The following CCDC102B variants were observed in gnomAD, a reference collection of about 807,000 sequenced individuals.
CCDC102B encodes the protein coiled-coil domain-containing protein 102B.
A neutral mutation model predicts 57.4 loss-of-function variants in CCDC102B; 75 were observed. The observed-to-expected ratio is 1.31, with a 90% CI of 1.08 to 1.58. The LOEUF is 1.58. CCDC102B is among the 40% of genes most tolerant of loss of function. The pLI, the probability that CCDC102B is intolerant of heterozygous loss-of-function variation, is 0.00. For synonymous variants in CCDC102B, 206 were observed against 201.9 expected, an observed-to-expected ratio of 1.02 and a Z score of -0.17; for missense variants, 636 against 582.6, an observed-to-expected ratio of 1.09 and a Z score of -0.94.
intron 1 of CCDC102B, among the ~76,000 whole-genome samples, chr18:68,818,915 T>A (rs1355133033): frequency 6.6e-6 from 1 of 152,138 alleles, no homozygotes; most frequent in Non-Finnish European, 1.5e-5. Flanking sequence ...GGTGTGCATA[T>A]TGTCTTTCAT....
intron 2 of CCDC102B, among the ~76,000 whole-genome samples, chr18:68,762,767 G>A (rs567222824): frequency 6.6e-6 from 1 of 152,228 alleles, no homozygotes. Context: ...CACTGTAAAC[G>A]TTACTGCCAC....
chr18:68,955,813 G>T (rs1045878502), intron 6 of CCDC102B, among the ~76,000 whole-genome samples: 2 of 151,924 alleles, frequency 1.3e-5, no homozygotes, highest in Non-Finnish European at 2.9e-5. Flanking sequence ...AAATTATGGG[G>T]TATGTGAGAT....
At chr18:68,762,965 T>A (rs1030481098) in intron 2 of CCDC102B, among the ~76,000 whole-genome samples, 2 of 152,046 alleles carry the variant, frequency 1.3e-5, no homozygotes, top group South Asian at 4.1e-4. Context: ...ATATTTTACC[T>A]CAGCCTCACA....
downstream of CCDC102B, among the ~76,000 whole-genome samples, chr18:69,057,963 T>TA (rs1401192320): frequency 6.6e-6 from 1 of 151,966 alleles, no homozygotes; most frequent in Non-Finnish European, 1.5e-5. Context: ...GCATAGCAGC[T>TA]AAAGGTCGTT....
intron 6 of CCDC102B, among the ~76,000 whole-genome samples, chr18:68,988,978 T>C (rs183984672): frequency 7.2e-5 from 11 of 152,330 alleles, no homozygotes; most frequent in African/African-American, 2.2e-4. Context: ...GCATTTTGAT[T>C]CATTTATTTC....
chr18:68,784,475 C>T (rs1004141194), intron 2 of CCDC102B, among the ~76,000 whole-genome samples: 1 of 152,004 alleles, frequency 6.6e-6, no homozygotes, highest in Admixed American at 6.6e-5. Context: ...GATTACAATT[C>T]GACATGAAAT....
At chr18:68,954,060 T>C (rs1021397707) in intron 6 of CCDC102B, among the ~76,000 whole-genome samples, 39 of 152,142 alleles carry the variant, frequency 2.6e-4, no homozygotes, top group African/African-American at 8.9e-4. Context: ...GATAATAGTT[T>C]TTTTTTTAAA....
At chr18:68,809,313 G>T (rs2036155688) in intron 1 of CCDC102B, among the ~76,000 whole-genome samples, 1 of 152,116 alleles carries the variant, frequency 6.6e-6, no homozygotes, top group South Asian at 2.1e-4. Context: ...CATAAAGGAA[G>T]AAGAATTTAC....
At chr18:68,842,770 G>A (rs1393142132) in intron 3 of CCDC102B, among the ~76,000 whole-genome samples, 1 of 152,174 alleles carries the variant, frequency 6.6e-6, no homozygotes, top group African/African-American at 2.4e-5. Context: ...CTTACAGGAA[G>A]ATTTTGATGG....
intron 6 of CCDC102B, among the ~76,000 whole-genome samples, chr18:68,947,825 T>C (rs2049583785): frequency 6.6e-6 from 1 of 152,258 alleles, no homozygotes; most frequent in South Asian, 2.1e-4. Flanking sequence ...TCTCTTCTCA[T>C]TCTGGTAAGG....
intron 4 of CCDC102B, among the ~76,000 whole-genome samples, chr18:68,849,930 T>TC (rs1302573697): frequency 2.0e-5 from 3 of 152,092 alleles, no homozygotes; most frequent in Non-Finnish European, 2.9e-5. Flanking sequence ...AGCTGGACAC[T>TC]AGGCCATCTG....
intron 6 of CCDC102B, among the ~76,000 whole-genome samples, chr18:68,981,178 A>T (rs1385347291): frequency 6.6e-6 from 1 of 152,190 alleles, no homozygotes; most frequent in East Asian, 1.9e-4. Flanking sequence ...CAGATAGCAA[A>T]CTACAGAGAA....
intron 6 of CCDC102B, among the ~76,000 whole-genome samples, chr18:68,957,626 G>C (rs1267190045): frequency 1.4e-4 from 20 of 139,226 alleles, no homozygotes; most frequent in Non-Finnish European, 3.1e-5. Flanking sequence ...ATGAGTTTTA[G>C]AATTATGTTT....
intron 2 of CCDC102B, among the ~76,000 whole-genome samples, chr18:68,771,196 C>A (rs535927860): frequency 6.6e-6 from 1 of 152,272 alleles, no homozygotes; most frequent in East Asian, 1.9e-4. Context: ...AATGGTCCTG[C>A]AGGCAGCTCC....
chr18:68,939,334 G>T (rs1242632926), intron 6 of CCDC102B, among the ~76,000 whole-genome samples: 1 of 151,518 alleles, frequency 6.6e-6, no homozygotes, highest in Non-Finnish European at 1.5e-5. Flanking sequence ...CATGTTATTA[G>T]ATTTCTCTCT....
intron 2 of CCDC102B, among the ~76,000 whole-genome samples, chr18:68,748,360 A>C (rs1019125337): frequency 3.3e-5 from 5 of 151,976 alleles, no homozygotes; most frequent in Non-Finnish European, 5.9e-5. Context: ...TTCTCATTGT[A>C]TGCATCCTGA....
In CCDC102B at chr18:68,790,493, G is replaced by C. The variant is rs183983985; in HGVS notation, c.-66-32873G>C. On this transcript the variant is annotated intron_variant, in intron 2 of 3. Transcript: ENST00000578970. ...TAGCAATCAGCGAGACTCCGAGGGC[G>C]TAGGACCCTCCGAGCCAGGGCGGGA... Among the ~76,000 whole-genome samples the C allele has an allele frequency of 2.6e-5, 4 of 151,854 alleles. No homozygotes were observed. The East Asian group carries it at 7.8e-4, about 30-fold the overall frequency.
chr18:68,779,077 A>G (rs1356741275), intron 2 of CCDC102B, among the ~76,000 whole-genome samples: 1 of 152,084 alleles, frequency 6.6e-6, no homozygotes, highest in Non-Finnish European at 1.5e-5. Flanking sequence ...CTGGACAGCC[A>G]TCCTTTTTTC....
intron 2 of CCDC102B, chr18:68,753,266 C>T (rs2033930336): frequency 6.6e-6 from 1 of 152,032 alleles, no homozygotes; most frequent in African/African-American, 2.4e-5. Context: ...ACTTTTCGTG[C>T]TTGAGAAACA....
Sources: gnomAD v4.1 joint callset for allele counts (sites outside exome capture counted in the v4.1 genomes callset) on GRCh38, gnomAD v4.1.1 for gene constraint, MANE v1.5 for transcripts, NCBI Gene and HGNC (gene_info 2026-07-23, HGNC 2026-07-21) for gene names.